The following CTNNA3 variants were observed in gnomAD, a reference collection of about 807,000 sequenced individuals.
CTNNA3 encodes catenin alpha 3, also known as catenin alpha-3.
Under a neutral mutation model 95.7 loss-of-function variants are expected in CTNNA3, and 76 were observed. That is an observed-to-expected ratio of 0.79 (90% CI 0.66 to 0.96). The LOEUF (loss-of-function observed/expected upper bound fraction) is 0.96, where lower values mean the gene tolerates loss of function less well. CTNNA3 is among the 40% of genes least tolerant of loss of function. The pLI is 0.00. For missense variants in CTNNA3, 1,191 were observed against 1,089.8 expected (o/e 1.09, Z -1.31); for synonymous variants, 431 against 374.4 (o/e 1.15, Z -1.74).
At chr10:67,339,173 A>G (rs1350428731) in intron 5 of CTNNA3, among the ~76,000 whole-genome samples, 1 of 152,184 alleles carries the variant, frequency 6.6e-6, no homozygotes, top group Non-Finnish European at 1.5e-5. Flanking sequence ...GCAATCACTC[A>G]TTCTTCAGGA....
intron 7 of CTNNA3, among the ~76,000 whole-genome samples, chr10:66,845,754 T>TACACACAC (rs140313786): frequency 2.4e-3 from 261 of 108,664 alleles, no homozygotes; most frequent in African/African-American, 3.5e-3. Flanking sequence ...TATATATACA[T>TACACACAC]ACACACACAC....
intron 7 of CTNNA3, among the ~76,000 whole-genome samples, chr10:66,814,660 G>A (rs1842008138): frequency 6.6e-6 from 1 of 151,986 alleles, no homozygotes; most frequent in Non-Finnish European, 1.5e-5. Flanking sequence ...GTTATTTGAG[G>A]GGCTGAGGTG....
chr10:66,234,384 CACAG>C (rs769381511), intron 13 of CTNNA3, among the ~76,000 whole-genome samples: 8 of 152,130 alleles, frequency 5.3e-5, no homozygotes, highest in Non-Finnish European at 8.8e-5. Context: ...CACACATACA[CACAG>C]ACAAACACAT....
At chr10:66,594,888 T>G (rs1487822378) in intron 10 of CTNNA3, among the ~76,000 whole-genome samples, 1 of 152,146 alleles carries the variant, frequency 6.6e-6, no homozygotes, top group African/African-American at 2.4e-5. Flanking sequence ...TAATAATATC[T>G]GCCATATAAG....
Position 66,245,828 on chromosome 10 carries a change from T to C in CTNNA3, c.1884+34642A>G, listed in dbSNP as rs551769014. 3.7e-4 allele frequency among the ~76,000 whole-genome samples: 56 copies of C among 152,368 alleles called. No homozygotes were observed. In the South Asian group the frequency reaches 0.011, roughly 30 times the overall value. ...GGCAGCTCCTCTCAGGTTCTGGTCATACTGACATCTCCCACTCTCAGCAGA... is the reference window on the plus strand; with the variant it reads ...GGCAGCTCCTCTCAGGTTCTGGTCACACTGACATCTCCCACTCTCAGCAGA... On this transcript the variant is annotated intron_variant, in intron 13 of 17. Coordinates refer to ENST00000433211, the MANE Select transcript of CTNNA3 (RefSeq NM_013266.4).
At chr10:67,236,263 A>G (rs1468122418) in intron 5 of CTNNA3, among the ~76,000 whole-genome samples, 3 of 150,482 alleles carry the variant, frequency 2.0e-5, no homozygotes, top group East Asian at 3.9e-4. Context: ...AACCAACCCA[A>G]ATGTCCAACA....
At chr10:66,705,157 T>C (rs12777540) in intron 9 of CTNNA3, among the ~76,000 whole-genome samples, 4 of 152,110 alleles carry the variant, frequency 2.6e-5, no homozygotes, top group African/African-American at 9.6e-5. Flanking sequence ...GTTACTATGG[T>C]AACCTTACAT....
rs76899605 is a variant in CTNNA3 at position 66,062,072 on chromosome 10, T to C, written c.2159+7236A>G. On this transcript the variant is annotated intron_variant, in intron 15 of 17. Coordinates refer to ENST00000433211, the MANE Select transcript of CTNNA3 (RefSeq NM_013266.4). ...CTTTGCTTGTGTGTCCTTGGGCAAT[T>C]TATCTGACCTCTATTTCTTTATTAA... 8.2e-3 allele frequency among the ~76,000 whole-genome samples: 1,243 copies of C among 152,216 alleles called. 8 individuals carry two copies. Among genetic ancestry groups the C allele is most frequent in the Non-Finnish European group, 0.011 (740 of 68,020 alleles).
At chr10:67,165,452 G>C (rs1188596723) in intron 7 of CTNNA3, among the ~76,000 whole-genome samples, 1 of 152,054 alleles carries the variant, frequency 6.6e-6, no homozygotes, top group Non-Finnish European at 1.5e-5. Flanking sequence ...TATCGTTTTT[G>C]TGTTGGTGAT....
At chr10:67,406,723 A>T (rs187012126) in intron 5 of CTNNA3, among the ~76,000 whole-genome samples, 3 of 152,130 alleles carry the variant, frequency 2.0e-5, no homozygotes, top group African/African-American at 7.2e-5. Flanking sequence ...CACAATCAGA[A>T]ATGACATGGA....
At chr10:67,704,108 T>A (rs1284154746) in intron 1 of CTNNA3, among the ~76,000 whole-genome samples, 1 of 152,200 alleles carries the variant, frequency 6.6e-6, no homozygotes, top group South Asian at 2.1e-4. Context: ...TACAAACTAC[T>A]GCTCAATGAA....
intron 7 of CTNNA3, among the ~76,000 whole-genome samples, chr10:67,173,698 T>C (rs186472068): frequency 7.0e-4 from 106 of 152,336 alleles, no homozygotes; most frequent in African/African-American, 2.3e-3. Flanking sequence ...GGATTCTTGA[T>C]TCTTACTATA....
intron 10 of CTNNA3, among the ~76,000 whole-genome samples, chr10:66,550,452 T>C (rs918521012): frequency 1.3e-5 from 2 of 152,166 alleles, no homozygotes; most frequent in African/African-American, 4.8e-5. Context: ...AGCCACCTAA[T>C]TTAGCAAAAA....
intron 9 of CTNNA3, among the ~76,000 whole-genome samples, chr10:66,642,770 CTTAAT>C (rs1249988424): frequency 1.3e-5 from 2 of 152,098 alleles, no homozygotes; most frequent in Non-Finnish European, 2.9e-5. Flanking sequence ...CCATTAAGTA[CTTAAT>C]TTATTATTTT....
At chr10:66,690,824 T>C (rs1307583907) in intron 9 of CTNNA3, among the ~76,000 whole-genome samples, 2 of 152,280 alleles carry the variant, frequency 1.3e-5, no homozygotes, top group East Asian at 3.9e-4. Context: ...TTATAGTCCT[T>C]TGGGTATGTA....
intron 7 of CTNNA3, among the ~76,000 whole-genome samples, chr10:66,999,690 G>C (rs1357287598): frequency 2.0e-5 from 3 of 152,120 alleles, no homozygotes; most frequent in African/African-American, 7.2e-5. Flanking sequence ...ATAGAAAGTA[G>C]AAATGAATAA....
chr10:66,770,304 T>G (rs1332322520), intron 8 of CTNNA3, among the ~76,000 whole-genome samples: 1 of 152,242 alleles, frequency 6.6e-6, no homozygotes, highest in East Asian at 1.9e-4. Context: ...GCCTCTATCT[T>G]ATTTATTTCC....
chr10:66,189,618 A>ATATATATATATATG (rs199807873), intron 13 of CTNNA3, among the ~76,000 whole-genome samples: 3,885 of 58,380 alleles, frequency 0.067, 86 homozygotes, highest in Non-Finnish European at 0.085. Context: ...ATATATATAT[A>ATATATATATATATG]CACACATACA....
At chr10:66,282,631 T>C (rs776874655) in intron 12 of CTNNA3, among the ~76,000 whole-genome samples, 11 of 151,828 alleles carry the variant, frequency 7.2e-5, no homozygotes, top group African/African-American at 1.9e-4. Flanking sequence ...ACTATTTCCA[T>C]CCACAGCATA....
Sources: allele counts gnomAD v4.1 joint callset (sites outside exome capture counted in the v4.1 genomes callset), GRCh38; gene constraint gnomAD v4.1.1; transcripts MANE v1.5; gene names NCBI Gene and HGNC (gene_info 2026-07-23, HGNC 2026-07-21).